AFG2A: variants seen among roughly 807,000 people sequenced by gnomAD.
AFG2A encodes the protein ATPase family gene 2 protein homolog A.
the AFG2A span, among the ~76,000 whole-genome samples, chr4:123,060,517 G>T: frequency 1.3e-5 from 2 of 152,222 alleles, no homozygotes; most frequent in African/African-American, 2.4e-5. Context: ...CTTGGGGCTT[G>T]CACCGTCTGA....
At chr4:123,205,173 C>T in the AFG2A span, among the ~76,000 whole-genome samples, 1 of 152,004 alleles carries the variant, frequency 6.6e-6, no homozygotes, top group South Asian at 2.1e-4. Flanking sequence ...ATTTGTGTTT[C>T]ATCAATTTTG....
chr4:122,972,273 C>T, the AFG2A span, among the ~76,000 whole-genome samples: 1 of 151,972 alleles, frequency 6.6e-6, no homozygotes, highest in Non-Finnish European at 1.5e-5. Context: ...ATTTTATCTA[C>T]ATTTCAAATT....
At chr4:123,287,090 A>G in the AFG2A span, among the ~76,000 whole-genome samples, 2 of 152,154 alleles carry the variant, frequency 1.3e-5, no homozygotes, top group Non-Finnish European at 1.5e-5. Context: ...GGCTCAGGGT[A>G]CTGATGGGGT....
chr4:123,041,535 T>G, the AFG2A span, among the ~76,000 whole-genome samples: 1 of 151,910 alleles, frequency 6.6e-6, no homozygotes, highest in Admixed American at 6.6e-5. Flanking sequence ...TTTGTTTGTT[T>G]TTGTTGTTTT....
the AFG2A span, among the ~76,000 whole-genome samples, chr4:123,091,275 A>G: frequency 1.3e-5 from 2 of 152,246 alleles, no homozygotes; most frequent in Non-Finnish European, 2.9e-5. Flanking sequence ...AAGACCACCC[A>G]GAGAGCTGTC....
the AFG2A span, among the ~76,000 whole-genome samples, chr4:122,972,560 A>G: frequency 6.8e-6 from 1 of 146,428 alleles, no homozygotes; most frequent in Non-Finnish European, 1.5e-5. Context: ...TTTTATCTAC[A>G]TTAAGCCTAC....
chr4:123,180,018 G>A, the AFG2A span, among the ~76,000 whole-genome samples: 30 of 152,140 alleles, frequency 2.0e-4, no homozygotes, highest in African/African-American at 6.7e-4. Context: ...TAAGGCATTC[G>A]AGACCAGCCT....
the AFG2A span, among the ~76,000 whole-genome samples, chr4:123,193,390 AT>A: frequency 6.6e-6 from 1 of 152,216 alleles, no homozygotes; most frequent in Non-Finnish European, 1.5e-5. Flanking sequence ...TTATATATTT[AT>A]CCAAATGAAA....
the AFG2A span, among the ~76,000 whole-genome samples, chr4:123,010,253 C>T: frequency 2.6e-5 from 4 of 152,188 alleles, no homozygotes; most frequent in African/African-American, 9.7e-5. Context: ...AACTCCTACT[C>T]ATTCTTCATA....
the AFG2A span, among the ~76,000 whole-genome samples, chr4:123,147,972 G>C: frequency 6.6e-6 from 1 of 152,048 alleles, no homozygotes; most frequent in Non-Finnish European, 1.5e-5. Context: ...AAGATGATCA[G>C]AGAAAGAAGG....
chr4:123,025,722 A>G, the AFG2A span, among the ~76,000 whole-genome samples: 1 of 152,314 alleles, frequency 6.6e-6, no homozygotes, highest in South Asian at 2.1e-4. Flanking sequence ...AAAACATGAC[A>G]TTCCCTGCAA....
At chr4:123,261,953 T>TA in the AFG2A span, among the ~76,000 whole-genome samples, 1 of 151,364 alleles carries the variant, frequency 6.6e-6, no homozygotes, top group Non-Finnish European at 1.5e-5. Flanking sequence ...CTAATTTTTT[T>TA]AAAAAAATTT....
At chr4:123,208,297 G>T in the AFG2A span, among the ~76,000 whole-genome samples, 1 of 152,114 alleles carries the variant, frequency 6.6e-6, no homozygotes, top group African/African-American at 2.4e-5. Flanking sequence ...ACTCCAAATG[G>T]ATCAGTGGCC....
At chr4:123,170,942 G>A in the AFG2A span, among the ~76,000 whole-genome samples, 1 of 152,122 alleles carries the variant, frequency 6.6e-6, no homozygotes, top group Non-Finnish European at 1.5e-5. Context: ...TAACAGGGTG[G>A]TTGGTAGGAT....
the AFG2A span, among the ~76,000 whole-genome samples, chr4:123,299,274 A>C: frequency 6.6e-6 from 1 of 152,324 alleles, no homozygotes; most frequent in East Asian, 1.9e-4. Flanking sequence ...CTTCAGTGTA[A>C]CTTAAAATGT....
At chr4:123,108,160 C>G in the AFG2A span, among the ~76,000 whole-genome samples, 2 of 152,196 alleles carry the variant, frequency 1.3e-5, no homozygotes, top group Non-Finnish European at 2.9e-5. Flanking sequence ...CCAGACGGGC[C>G]GCTGCTGCCA....
the AFG2A span, among the ~76,000 whole-genome samples, chr4:123,032,174 T>C: frequency 2.0e-5 from 3 of 152,206 alleles, no homozygotes; most frequent in African/African-American, 4.8e-5. Context: ...GAGCTTAGTA[T>C]ATCCTTGACT....
At chr4:123,299,256 C>G in the AFG2A span, among the ~76,000 whole-genome samples, 9 of 152,240 alleles carry the variant, frequency 5.9e-5, no homozygotes, top group African/African-American at 2.2e-4. Context: ...TCTACTGGCT[C>G]TCACATTCTT....
chr4:123,189,410 G>T, the AFG2A span, among the ~76,000 whole-genome samples: 1 of 152,096 alleles, frequency 6.6e-6, no homozygotes, highest in African/African-American at 2.4e-5. Flanking sequence ...TCCTAGAGAA[G>T]CCTCCTTTTT....
Sources: gnomAD v4.1 joint callset for allele counts (sites outside exome capture counted in the v4.1 genomes callset) on GRCh38, gnomAD v4.1.1 for gene constraint, MANE v1.5 for transcripts, NCBI Gene and HGNC (gene_info 2026-07-23, HGNC 2026-07-21) for gene names.